Variants in MAP2K3 observed in about 807,000 individuals in gnomAD.
MAP2K3 encodes mitogen-activated protein kinase kinase 3.
Under a neutral mutation model 46.4 loss-of-function variants are expected in MAP2K3, and 30 were observed. That is an observed-to-expected ratio of 0.65 (90% CI 0.48 to 0.88). The LOEUF (loss-of-function observed/expected upper bound fraction) is 0.88, where lower values mean the gene tolerates loss of function less well. MAP2K3 is among the 40% of genes least tolerant of loss of function. The pLI, the probability that MAP2K3 is intolerant of heterozygous loss-of-function variation, is 0.00. For missense variants in MAP2K3, 380 were observed against 464.5 expected (o/e 0.82, Z 1.67); for synonymous variants, 189 against 176.3 (o/e 1.07, Z -0.57).
chr17:21,290,016 A>C (rs1381519163), intron 1 of MAP2K3, among the ~76,000 whole-genome samples: 1 of 152,096 alleles, frequency 6.6e-6, no homozygotes, highest in Non-Finnish European at 1.5e-5. Flanking sequence ...CCTGGCGGCT[A>C]TATCGAGTGC....
intron 1 of MAP2K3, among the ~76,000 whole-genome samples, chr17:21,287,447 G>A (rs1315189858): frequency 1.3e-5 from 2 of 152,256 alleles, no homozygotes; most frequent in African/African-American, 4.8e-5. Context: ...CCTTCTCAAA[G>A]GAATTTGAAC....
intron 5 of MAP2K3, among the ~76,000 whole-genome samples, chr17:21,301,779 G>A: frequency 1.3e-5 from 2 of 152,430 alleles, no homozygotes; most frequent in South Asian, 4.1e-4. Flanking sequence ...AGGGTCAGCT[G>A]GCATGAGGGT....
intron 3 of MAP2K3, 70 bp from the exon 4 acceptor site, chr17:21,300,475 C>T (rs1976529556): frequency 6.8e-7 from 1 of 1,477,434 alleles, no homozygotes; most frequent in Admixed American, 2.0e-5. Flanking sequence ...GCCCAGGTAT[C>T]TCCACTGGGC....
chr17:21,302,187 C>T lies in MAP2K3; in HGVS notation c.444C>T (p.Asp148=). ...TGGAGCTCATGGACACATCCTTGGA[C>T]AAGTTCTACCGGAAGGTGCTGGATA... ...ICMELMDTSL[D]KFYRKVLDKN... Residue 148 remains aspartate, a synonymous_variant, in exon 6 of 12, where the codon GAC becomes GAT. Transcript: ENST00000342679. The T allele has an allele frequency of 6.2e-7, 1 of 1,614,066 alleles. No homozygotes were observed. Among genetic ancestry groups the T allele is most frequent in the South Asian group, 1.1e-5 (1 of 91,088 alleles).
At chr17:21,287,400 C>T (rs1201715054) in intron 1 of MAP2K3, among the ~76,000 whole-genome samples, 1 of 152,262 alleles carries the variant, frequency 6.6e-6, no homozygotes, top group Non-Finnish European at 1.5e-5. Context: ...CCACCCCATC[C>T]TGGGCACTGG....
At chr17:21,308,439 C>T (rs8077751) in intron 9 of MAP2K3, among the ~76,000 whole-genome samples, 4 of 151,788 alleles carry the variant, frequency 2.6e-5, no homozygotes, top group East Asian at 1.9e-4. Context: ...TGAACCACCA[C>T]GCCCAGCCTT....
At chr17:21,302,535 A>G (rs1246422550) in intron 6 of MAP2K3, among the ~76,000 whole-genome samples, 1 of 152,312 alleles carries the variant, frequency 6.6e-6, no homozygotes, top group Non-Finnish European at 1.5e-5. Flanking sequence ...CTTGAGTTCC[A>G]GATCATTTTT....
intron 2 of MAP2K3, 103 bp downstream of exon 2, chr17:21,298,582 C>A: frequency 6.3e-7 from 1 of 1,577,448 alleles, no homozygotes; most frequent in East Asian, 2.2e-5. Context: ...TGCTTTACCT[C>A]GTCCTGTCCT....
chr17:21,284,878 C>T lies in MAP2K3; in HGVS notation c.-43C>T. On this transcript the variant is annotated 5_prime_UTR_variant, in exon 1 of 12. Coordinates refer to ENST00000342679, the MANE Select transcript of MAP2K3 (RefSeq NM_145109.3). The stretch of plus-strand genomic sequence containing the variant: ...GCTCGGCCCCGGTGGAGCCCGCAGT[C>T]CTCTAGATTAGTCTCCACCGCCGTC... 3 of 1,607,000 alleles carry T rather than the reference C, an allele frequency of 1.9e-6. No individual in the cohort carries two copies. The highest frequency in any genetic ancestry group is 2.5e-6 in the Non-Finnish European group (3 of 1,176,606).
chr17:21,303,115 C>G (rs1188844053), intron 6 of MAP2K3, 68 bp from the exon 7 acceptor site: 5 of 1,603,532 alleles, frequency 3.1e-6, no homozygotes, highest in South Asian at 1.1e-5. Context: ...TCTTACTGCT[C>G]TGTCGTTTTT....
intron 1 of MAP2K3, among the ~76,000 whole-genome samples, chr17:21,292,165 C>T (rs934284645): frequency 3.3e-5 from 5 of 152,308 alleles, no homozygotes; most frequent in African/African-American, 7.2e-5. Flanking sequence ...CAGCCTGCTG[C>T]GGGGGCTGTA....
chr17:21,284,979 C>T lies in MAP2K3; in HGVS notation c.49+10C>T, dbSNP rs1205087952. On this transcript the variant is annotated intron_variant, in intron 1 of 11. Transcript: ENST00000342679. ...ATGCCCCAGTCCAAAGGTAGGCGCTCCCGGCCGGGACCTCGGCCTGACCCC... is the reference window on the plus strand; with the variant it reads ...ATGCCCCAGTCCAAAGGTAGGCGCTTCCGGCCGGGACCTCGGCCTGACCCC... 2 of 1,607,404 alleles carry T rather than the reference C, an allele frequency of 1.2e-6. No homozygotes were observed. Among genetic ancestry groups the T allele is most frequent in the South Asian group, 1.1e-5 (1 of 89,782 alleles).
rs1219897547 is a variant in MAP2K3 at position 21,302,038 on chromosome 17, G to A, written c.400-105G>A. On this transcript the variant is annotated intron_variant, in intron 5 of 11. Transcript: ENST00000342679. ...ACTGTGGCTGAGTGGGTGGGCACAC[G>A]TCGGAGAGGGGGCTGGGGCTGGGGC... is the stretch of plus-strand genomic sequence containing the variant. 9.3e-4 allele frequency: 1,023 copies of A among 1,096,330 alleles called. No homozygotes were observed. The African/African-American group carries it at 0.014, about 15-fold the overall frequency. 67.9% of individuals were successfully genotyped at this position (1,096,330 alleles called of 1,614,324 possible).
At chr17:21,298,993 G>T in intron 3 of MAP2K3, 67 bp downstream of exon 3, 2 of 1,609,078 alleles carry the variant, frequency 1.2e-6, no homozygotes, top group South Asian at 1.1e-5. Flanking sequence ...AGCTGACCCT[G>T]CAGGGCCACT....
intron 1 of MAP2K3, among the ~76,000 whole-genome samples, chr17:21,296,948 T>C (rs1976288809): frequency 6.6e-6 from 1 of 152,310 alleles, no homozygotes; most frequent in Non-Finnish European, 1.5e-5. Flanking sequence ...GACGCTGTTG[T>C]TTCCTGAAGC....
intron 9 of MAP2K3, among the ~76,000 whole-genome samples, chr17:21,308,816 C>T (rs1977025550): frequency 6.6e-6 from 1 of 152,232 alleles, no homozygotes; most frequent in African/African-American, 2.4e-5. Context: ...CCCTGTCTCC[C>T]TTCCAGTTGT....
At chr17:21,296,439 T>C (rs377635892) in intron 1 of MAP2K3, among the ~76,000 whole-genome samples, 2 of 152,290 alleles carry the variant, frequency 1.3e-5, no homozygotes, top group Non-Finnish European at 2.9e-5. Context: ...AGCCTCTGCA[T>C]CTCCAGACTC....
At chr17:21,304,360 C>CAGAGCATG in intron 7 of MAP2K3, 66 bp from the exon 8 acceptor site, 3 of 1,612,976 alleles carry the variant, frequency 1.9e-6, no homozygotes, top group Non-Finnish European at 2.5e-6. Context: ...CACAGCTATG[C>CAGAGCATG]AGAGCATGGC....
At chr17:21,299,839 C>A (rs7220890) in intron 3 of MAP2K3, among the ~76,000 whole-genome samples, 1 of 152,244 alleles carries the variant, frequency 6.6e-6, no homozygotes, top group Non-Finnish European at 1.5e-5. Context: ...AAAATTAGCC[C>A]GGTGTGGTGG....
Sources: gnomAD v4.1 joint callset for allele counts (sites outside exome capture counted in the v4.1 genomes callset) on GRCh38, gnomAD v4.1.1 for gene constraint, MANE v1.5 for transcripts, NCBI Gene and HGNC (gene_info 2026-07-23, HGNC 2026-07-21) for gene names.